CDH23: variants seen among roughly 807,000 people sequenced by gnomAD.
The protein encoded by CDH23 is cadherin related 23.
A neutral mutation model predicts 317.1 loss-of-function variants in CDH23; 189 were observed. That is an observed-to-expected ratio of 0.60 (90% CI 0.53 to 0.67). The LOEUF (loss-of-function observed/expected upper bound fraction) is 0.67, where lower values mean the gene tolerates loss of function less well. CDH23 is among the 30% of genes least tolerant of loss of function. The pLI is 0.00. For missense variants in CDH23, 4,401 were observed against 4,592.4 expected (o/e 0.96, Z 1.20); for synonymous variants, 1,839 against 1,876.8 (o/e 0.98, Z 0.52).
At chr10:71,590,897 C>G (rs146860863) in intron 9 of CDH23, among the ~76,000 whole-genome samples, 1 of 72,236 alleles carries the variant, frequency 1.4e-5, no homozygotes, top group Non-Finnish European at 2.6e-5. Flanking sequence ...CAAAAAAAAA[C>G]AAAAAAAAAC....
At chr10:71,446,096 G>A (rs575305345) in intron 2 of CDH23, among the ~76,000 whole-genome samples, 20 of 152,266 alleles carry the variant, frequency 1.3e-4, no homozygotes, top group African/African-American at 3.1e-4. Flanking sequence ...ACGTGTGGCC[G>A]GTGGCCTCAC....
intron 28 of CDH23, chr10:71,713,399 C>T: frequency 1.5e-6 from 1 of 675,984 alleles, no homozygotes; most frequent in Non-Finnish European, 2.7e-6. Context: ...GTGAATGAGT[C>T]TCTTTACCAA....
rs1865723108 is a variant in CDH23 at position 71,704,957 on chromosome 10, A to ACCGCATGCCGGTGGGCATGCC, written c.2788_2808dup (p.Pro930_Met936dup). On this transcript the variant is annotated inframe_insertion, in exon 25 of 70. Coordinates refer to ENST00000224721, the MANE Select transcript of CDH23 (RefSeq NM_022124.6). ...GAGGGCCTGAACGGCCTGGTGTCCT[A>ACCGCATGCCGGTGGGCATGCC]CCGCATGCCGGTGGGCATGCCCCGC... 7 of 1,612,806 alleles carry ACCGCATGCCGGTGGGCATGCC rather than the reference A, an allele frequency of 4.3e-6. No individual in the cohort carries two copies. Among genetic ancestry groups the ACCGCATGCCGGTGGGCATGCC allele is most frequent in the Non-Finnish European group, 5.9e-6 (7 of 1,179,820 alleles).
At chr10:71,670,167 G>T (rs1864085651) in intron 14 of CDH23, among the ~76,000 whole-genome samples, 1 of 152,214 alleles carries the variant, frequency 6.6e-6, no homozygotes, top group South Asian at 2.1e-4. Flanking sequence ...AGGGGCCAGG[G>T]TGTTGGAGGT....
rs1257403163 is a variant in CDH23 at position 71,397,861 on chromosome 10, C to T, written c.-6+543C>T. ...ATCAAGTCCCTGTGCCCGCGGGAGA[C>T]CCCAGGGGACTTACACATCCTCCCA... On this transcript the variant is annotated intron_variant, in intron 1 of 69. Coordinates refer to ENST00000224721, the MANE Select transcript of CDH23 (RefSeq NM_022124.6). This position sits in a 1 kb window ranked among gnomAD's most constrained non-coding sequence, Gnocchi z 4.8. Among the ~76,000 whole-genome samples the T allele has an allele frequency of 1.3e-5, 2 of 152,176 alleles. No homozygotes were observed. The highest frequency in any genetic ancestry group is 2.9e-5 in the Non-Finnish European group (2 of 68,014).
intron 22 of CDH23, among the ~76,000 whole-genome samples, chr10:71,698,700 T>C (rs938847619): frequency 6.6e-6 from 1 of 152,226 alleles, no homozygotes; most frequent in African/African-American, 2.4e-5. Flanking sequence ...AAACGTCAGC[T>C]GTCTTAGAGA....
chr10:71,464,012 T>A (rs1031567446), intron 3 of CDH23, among the ~76,000 whole-genome samples: 1 of 152,200 alleles, frequency 6.6e-6, no homozygotes, highest in Non-Finnish European at 1.5e-5. Context: ...TATGACAACC[T>A]GTGAGGAAAG....
At chr10:71,428,141 T>C (rs1227673216) in intron 1 of CDH23, among the ~76,000 whole-genome samples, 1 of 57,750 alleles carries the variant, frequency 1.7e-5, no homozygotes, top group Non-Finnish European at 3.1e-5. Flanking sequence ...CTTTCTTTCT[T>C]TTTTTTTTTT....
rs755833951 is a variant in CDH23 at position 71,815,128 on chromosome 10, G to GT, written c.9915_9916insT (p.Lys3306Ter). The GT allele has an allele frequency of 6.2e-7, 1 of 1,611,348 alleles. No individual in the cohort carries two copies. The highest frequency in any genetic ancestry group is 1.7e-5 in the Admixed American group (1 of 59,800). ...TCAACAGCCTGCCCGAGGAAGACCA[G>GT]AAGGGCCTGGGCCGCTCGCTGGAGA... is the stretch of plus-strand genomic sequence containing the variant. On this transcript the variant is annotated frameshift_variant, in exon 70 of 70. Transcript: ENST00000224721. LOFTEE classifies it high-confidence loss of function.
intron 6 of CDH23, among the ~76,000 whole-genome samples, chr10:71,537,777 G>A (rs560870583): frequency 1.3e-5 from 2 of 152,298 alleles, no homozygotes; most frequent in African/African-American, 2.4e-5. Flanking sequence ...TTGGGCCCAC[G>A]CTGTGTTAAC....
intron 1 of CDH23, among the ~76,000 whole-genome samples, chr10:71,415,368 C>T (rs1018154817): frequency 2.6e-5 from 4 of 152,210 alleles, no homozygotes; most frequent in Non-Finnish European, 5.9e-5. Context: ...ACTGCTATTA[C>T]AGGCGTGAGC....
rs763993100 is a variant in CDH23, at chr10:71,812,843, GACA to G, written c.9590_9592del (p.Asn3197del). The stretch of plus-strand genomic sequence containing the variant: ...CCTGCGGGCTGCCATCCAGGAGTAT[GACA>G]ACATTGCCAAGCTGGGCCAGATCAT... On this transcript the variant is annotated inframe_deletion, in exon 68 of 70. Transcript: ENST00000224721. The G allele has an allele frequency of 4.3e-5, 69 of 1,613,758 alleles. No individual in the cohort carries two copies. In the Middle Eastern group the frequency reaches 8.2e-4, roughly 19 times the overall value.
Position 71,806,057 on chromosome 10 carries a change from G to A in CDH23, c.8064+60G>A. On this transcript the variant is annotated intron_variant, in intron 56 of 69. Coordinates refer to ENST00000224721, the MANE Select transcript of CDH23 (RefSeq NM_022124.6). ...GGGGCGGGGCTTTCTTCTGGGGGCG[G>A]GTCTTGCACCTCGCCTCCTGGAAAG... The A allele has an allele frequency of 2.0e-6, 3 of 1,537,234 alleles. No homozygotes were observed. The South Asian group carries it at 3.6e-5, about 18-fold the overall frequency.
At chr10:71,765,144 C>G (rs1208098473) in intron 38 of CDH23, among the ~76,000 whole-genome samples, 1 of 152,226 alleles carries the variant, frequency 6.6e-6, no homozygotes, top group African/African-American at 2.4e-5. Context: ...TGTGCTGCCC[C>G]CTTCCCCAGC....
At chr10:71,496,824 G>GATGGCAGCCTCGTA (rs1853001578) in intron 3 of CDH23, among the ~76,000 whole-genome samples, 2 of 124,340 alleles carry the variant, frequency 1.6e-5, no homozygotes, top group Admixed American at 7.6e-5. Flanking sequence ...TATGTGGTCT[G>GATGGCAGCCTCGTA]GTGTACAGAT....
intron 11 of CDH23, among the ~76,000 whole-genome samples, chr10:71,634,351 C>T (rs1044838401): frequency 1.3e-5 from 2 of 152,246 alleles, no homozygotes; most frequent in Non-Finnish European, 1.5e-5. Context: ...CTCCGTGCAT[C>T]TCTGAAAACA....
intron 9 of CDH23, among the ~76,000 whole-genome samples, chr10:71,606,336 T>A (rs1009574198): frequency 6.6e-6 from 1 of 152,172 alleles, no homozygotes; most frequent in Non-Finnish European, 1.5e-5. Context: ...ATGGCTCAGC[T>A]CAAACAAACA....
chr10:71,751,930 A>C lies in CDH23; in HGVS notation c.4845+10009A>C. ...CGTGAACTCTGCCCTCCCTGCCCCC[A>C]GTTTTTCTCTCCTCCCTTTCTCTCA... On this transcript the variant is annotated intron_variant, in intron 38 of 69. Transcript: ENST00000224721. This position sits in a 1 kb window ranked among gnomAD's most constrained non-coding sequence, Gnocchi z 4.9. 6.9e-7 allele frequency: 1 copy of C among 1,450,460 alleles called. No individual in the cohort carries two copies. Among genetic ancestry groups the C allele is most frequent in the South Asian group, 1.3e-5 (1 of 77,202 alleles). 89.8% of individuals were successfully genotyped at this position (1,450,460 alleles called of 1,614,324 possible).
intron 3 of CDH23, among the ~76,000 whole-genome samples, chr10:71,491,028 T>C: frequency 6.6e-6 from 1 of 151,722 alleles, no homozygotes; most frequent in East Asian, 1.9e-4. Context: ...TAAAATAAAA[T>C]AAAAAGAGGG....
Sources: allele counts gnomAD v4.1 joint callset (sites outside exome capture counted in the v4.1 genomes callset), GRCh38; gene constraint gnomAD v4.1.1; non-coding constraint Gnocchi (gnomAD v3.1); transcripts MANE v1.5; gene names NCBI Gene and HGNC (gene_info 2026-07-23, HGNC 2026-07-21).